Variants in CPAMD8 observed in about 807,000 individuals in gnomAD.
CPAMD8 encodes C3 and PZP-like alpha-2-macroglobulin domain-containing protein 8.
Under a neutral mutation model 224.7 loss-of-function variants are expected in CPAMD8, and 146 were observed. That is an observed-to-expected ratio of 0.65 (90% CI 0.57 to 0.75). The LOEUF (loss-of-function observed/expected upper bound fraction) is 0.75, where lower values mean the gene tolerates loss of function less well. CPAMD8 is among the 30% of genes least tolerant of loss of function. CPAMD8 has a pLI of 0.00. For missense variants in CPAMD8, 2,301 were observed against 2,537.5 expected, an observed-to-expected ratio of 0.91 and a Z score of 2.00; for synonymous variants, 966 against 1,044.6, an observed-to-expected ratio of 0.92 and a Z score of 1.45.
chr19:17,011,387 C>G, intron 5 of CPAMD8, 77 bp downstream of exon 5: 2 of 1,467,594 alleles, frequency 1.4e-6, no homozygotes, highest in Non-Finnish European at 1.9e-6. Flanking sequence ...GAGAAAGACC[C>G]GTTTCCGATG....
At chr19:16,920,367 C>G (rs888393758) in intron 27 of CPAMD8, among the ~76,000 whole-genome samples, 3 of 152,162 alleles carry the variant, frequency 2.0e-5, no homozygotes, top group African/African-American at 7.2e-5. Flanking sequence ...GTATTCCCAG[C>G]TACTCGGGAG....
At position 16,997,268 on chromosome 19, in the gene CPAMD8, C is replaced by T. The variant is rs267605342; in HGVS notation, c.938G>A (p.Arg313Gln). ...MIPADVPEHFRGRVSIWAMVT... is the reference protein window; with the variant it reads ...MIPADVPEHFQGRVSIWAMVT... Reference sequence around the variant, plus strand: ...CATGGCCCAGATGCTGACCCTGCCCCGGAAGTGCTCAGGGACGTCCGCTGG... The same window carrying T: ...CATGGCCCAGATGCTGACCCTGCCCTGGAAGTGCTCAGGGACGTCCGCTGG... The change falls in exon 11 of 42, where the codon CGG (arginine) becomes CAG (glutamine). Residue 313 changes from arginine (R) to glutamine (Q), a missense_variant. Coordinates refer to ENST00000443236, the MANE Select transcript of CPAMD8 (RefSeq NM_015692.5). 20 of 1,564,730 alleles carry T rather than the reference C, an allele frequency of 1.3e-5. No individual in the cohort carries two copies. Among genetic ancestry groups the T allele is most frequent in the African/African-American group, 1.1e-4 (8 of 74,002 alleles).
At chr19:16,926,825 C>T (rs922451807) in intron 25 of CPAMD8, among the ~76,000 whole-genome samples, 1 of 152,176 alleles carries the variant, frequency 6.6e-6, no homozygotes, top group Non-Finnish European at 1.5e-5. Context: ...CTATCTCATT[C>T]AGTTCCATCT....
chr19:17,023,785 T>A lies in CPAMD8; in HGVS notation c.93-1604A>T, dbSNP rs1419007972. Among the ~76,000 whole-genome samples the A allele has an allele frequency of 2.0e-5, 3 of 152,218 alleles. No individual in the cohort carries two copies. In the South Asian group the frequency reaches 6.2e-4, roughly 32 times the overall value. On this transcript the variant is annotated intron_variant, in intron 1 of 41. Coordinates refer to ENST00000443236, the MANE Select transcript of CPAMD8 (RefSeq NM_015692.5). The stretch of plus-strand genomic sequence containing the variant: ...TTGGTAGAGACTGGGTTCCACCATG[T>A]TGGCCAGGCTGGTCTTGACCTCCTG...
In CPAMD8 at chr19:16,950,342, C is replaced by T. The variant is rs539024649; in HGVS notation, c.2508+1627G>A. Reference sequence around the variant, plus strand: ...TAAATAATAATGCAGGTAAAATTGTCAGTCCAGCACCAGCTGCAGAAGTAC... The same window carrying T: ...TAAATAATAATGCAGGTAAAATTGTTAGTCCAGCACCAGCTGCAGAAGTAC... On this transcript the variant is annotated intron_variant, in intron 20 of 41. Coordinates refer to ENST00000443236, the MANE Select transcript of CPAMD8 (RefSeq NM_015692.5). 5.3e-5 allele frequency among the ~76,000 whole-genome samples: 8 copies of T among 152,128 alleles called. No homozygotes were observed. In the East Asian group the frequency reaches 1.5e-3, roughly 29 times the overall value.
At chr19:16,987,720 GT>G (rs2055796026) in intron 13 of CPAMD8, among the ~76,000 whole-genome samples, 1 of 152,096 alleles carries the variant, frequency 6.6e-6, no homozygotes, top group Admixed American at 6.6e-5. Flanking sequence ...GCACGATCAT[GT>G]TTCACTGCGG....
intron 10 of CPAMD8, among the ~76,000 whole-genome samples, chr19:16,998,089 T>C (rs1599874933): frequency 6.6e-6 from 1 of 152,210 alleles, no homozygotes; most frequent in East Asian, 1.9e-4. Context: ...ATGGCTGGGA[T>C]TCTCCAAGGT....
At chr19:16,909,103 A>C (rs2052629723) in intron 29 of CPAMD8, among the ~76,000 whole-genome samples, 1 of 152,164 alleles carries the variant, frequency 6.6e-6, no homozygotes, top group Non-Finnish European at 1.5e-5. Flanking sequence ...TAGCGGGTTG[A>C]ACGGTGGCCC....
intron 22 of CPAMD8, among the ~76,000 whole-genome samples, chr19:16,942,718 C>T (rs574826681): frequency 2.6e-5 from 4 of 152,266 alleles, no homozygotes; most frequent in South Asian, 2.1e-4. Flanking sequence ...GCCCCTCTGC[C>T]GTGGCTTGGG....
chr19:16,902,824 G>C lies in CPAMD8; in HGVS notation c.4510C>G (p.Pro1504Ala), dbSNP rs2052316997. Residue 1504 changes from proline to alanine, a missense_variant, in exon 35 of 42, where the codon CCA becomes GCA. Coordinates refer to ENST00000443236, the MANE Select transcript of CPAMD8 (RefSeq NM_015692.5). The stretch of plus-strand genomic sequence containing the variant: ...AGGCTTACGAGCAGCTGGAAAGCTG[G>C]CTTGGCCACCGGGTCAGGCACATTG... ...TYNVPDPVAK[P>A]AFQLLVSLQE... 1 of 1,562,240 alleles carries C rather than the reference G, an allele frequency of 6.4e-7. No individual in the cohort carries two copies. Among genetic ancestry groups the C allele is most frequent in the African/African-American group, 1.4e-5 (1 of 73,238 alleles).
chr19:16,912,441 G>A (rs760095880), intron 29 of CPAMD8, among the ~76,000 whole-genome samples: 18 of 152,198 alleles, frequency 1.2e-4, no homozygotes, highest in Non-Finnish European at 2.4e-4. Context: ...AGGGCCTGTT[G>A]AGTGTTCACT....
intron 27 of CPAMD8, among the ~76,000 whole-genome samples, chr19:16,920,165 G>C (rs1027324795): frequency 1.3e-5 from 2 of 152,206 alleles, no homozygotes; most frequent in Non-Finnish European, 2.9e-5. Context: ...GGAAGCTGCT[G>C]ACTTCCATGC....
chr19:17,022,988 G>A (rs114060450), intron 1 of CPAMD8, among the ~76,000 whole-genome samples: 2,061 of 152,072 alleles, frequency 0.014, 37 homozygotes, highest in African/African-American at 0.048. Flanking sequence ...GTCACCAGCC[G>A]CAACAGTGAC....
At chr19:16,954,856 C>T (rs972660930) in intron 19 of CPAMD8, among the ~76,000 whole-genome samples, 2 of 152,040 alleles carry the variant, frequency 1.3e-5, no homozygotes, top group African/African-American at 2.4e-5. Context: ...TGGCTGGGCA[C>T]GGTGGCTCAT....
intron 13 of CPAMD8, 143 bp downstream of exon 13, chr19:16,989,500 T>A (rs2055861196): frequency 3.2e-6 from 3 of 951,986 alleles, no homozygotes; most frequent in Non-Finnish European, 4.7e-6. Flanking sequence ...CTGGCCAGGC[T>A]GGTCTCGAAA....
intron 30 of CPAMD8, among the ~76,000 whole-genome samples, chr19:16,904,853 A>T (rs190388712): frequency 1.4e-4 from 21 of 152,330 alleles, no homozygotes; most frequent in Non-Finnish European, 2.5e-4. Context: ...GGACACAGAC[A>T]TCACTAGTCA....
chr19:16,895,738 C>T (rs2051935272), intron 41 of CPAMD8: 1 of 360,528 alleles, frequency 2.8e-6, no homozygotes, highest in Non-Finnish European at 5.6e-6. Flanking sequence ...AAAGGCAATG[C>T]TCATTGGGGC....
At chr19:16,950,951 C>A (rs1028677419) in intron 20 of CPAMD8, among the ~76,000 whole-genome samples, 1 of 152,008 alleles carries the variant, frequency 6.6e-6, no homozygotes, top group East Asian at 1.9e-4. Context: ...TTTAAGCCAC[C>A]TGGTTTGGGC....
chr19:17,002,426 G>A (rs913720511), intron 8 of CPAMD8, 76 bp from the exon 9 acceptor site: 11 of 929,342 alleles, frequency 1.2e-5, no homozygotes, highest in Admixed American at 4.0e-5. Context: ...ACCGGTGCAA[G>A]GTGTCTGAGG....
Sources: gnomAD v4.1 joint callset for allele counts (sites outside exome capture counted in the v4.1 genomes callset) on GRCh38, gnomAD v4.1.1 for gene constraint, MANE v1.5 for transcripts, NCBI Gene and HGNC (gene_info 2026-07-23, HGNC 2026-07-21) for gene names.